Variants in KPNA4 observed in about 807,000 individuals in gnomAD.
The protein encoded by KPNA4 is importin subunit alpha-3.
A neutral mutation model predicts 71.3 loss-of-function variants in KPNA4; 13 were observed. The ratio of observed to expected loss-of-function variants is 0.18; its 90% CI spans 0.12 to 0.29. KPNA4 has a LOEUF of 0.29. Among genes scored for constraint, KPNA4 ranks in the 10% least tolerant of loss-of-function variants. The probability of loss-of-function intolerance (pLI) is 1.00; values close to 1 mark genes in which losing one functional copy is unlikely to be tolerated. For missense variants in KPNA4, 334 were observed against 603.2 expected, an observed-to-expected ratio of 0.55 and a Z score of 4.67; for synonymous variants, 189 against 195.2, an observed-to-expected ratio of 0.97 and a Z score of 0.26.
intron 1 of KPNA4, among the ~76,000 whole-genome samples, chr3:160,558,673 C>T (rs1437180011): frequency 2.0e-5 from 3 of 152,108 alleles, no homozygotes; most frequent in Non-Finnish European, 2.9e-5. Flanking sequence ...GCATGGTCCA[C>T]GGGCCCCTAT....
intron 1 of KPNA4, among the ~76,000 whole-genome samples, chr3:160,560,114 A>C (rs1247246884): frequency 1.3e-5 from 2 of 152,166 alleles, no homozygotes; most frequent in African/African-American, 4.8e-5. Flanking sequence ...GACTATGCTC[A>C]GTGCTTTCAC....
intron 1 of KPNA4, among the ~76,000 whole-genome samples, chr3:160,549,128 G>T (rs1721988095): frequency 1.3e-5 from 2 of 152,132 alleles, no homozygotes; most frequent in South Asian, 4.2e-4. Context: ...TTTTAAAATA[G>T]GGTTGTTGGT....
In KPNA4 at chr3:160,565,507, G is replaced by A. The variant is rs182504891; in HGVS notation, c.-225C>T. Reference sequence around the variant, plus strand: ...CTGCAGCTCCGGCAAAGACAACTGTGGGGCCGGGCGGCGGCAAGGCGACGG... The same window carrying A: ...CTGCAGCTCCGGCAAAGACAACTGTAGGGCCGGGCGGCGGCAAGGCGACGG... On this transcript the variant is annotated 5_prime_UTR_variant, in exon 1 of 17. Transcript: ENST00000334256. The A allele has an allele frequency of 1.6e-3, 850 of 545,442 alleles. 10 individuals are homozygous for A. In the African/African-American group the frequency reaches 0.016, roughly 10 times the overall value. The allele number at this position is 545,442 out of a possible 1,614,324, so 33.8% of individuals were successfully genotyped here.
At chr3:160,562,314 G>T (rs1366297044) in intron 1 of KPNA4, among the ~76,000 whole-genome samples, 1 of 152,122 alleles carries the variant, frequency 6.6e-6, no homozygotes, top group Non-Finnish European at 1.5e-5. Flanking sequence ...TGGTATTTTG[G>T]ATATACTGGA....
intron 10 of KPNA4, among the ~76,000 whole-genome samples, chr3:160,522,955 T>C (rs1477582046): frequency 1.3e-5 from 2 of 152,188 alleles, no homozygotes; most frequent in African/African-American, 4.8e-5. Flanking sequence ...ATTACATCTT[T>C]AAGTACAACA....
At chr3:160,529,203 G>C (rs556311877) in intron 7 of KPNA4, among the ~76,000 whole-genome samples, 27 of 152,246 alleles carry the variant, frequency 1.8e-4, no homozygotes, top group African/African-American at 6.3e-4. Flanking sequence ...CTAAGTGCTA[G>C]AATTACTGGC....
intron 5 of KPNA4, among the ~76,000 whole-genome samples, chr3:160,533,033 A>AT (rs1381306451): frequency 3.3e-5 from 5 of 151,746 alleles, no homozygotes; most frequent in Non-Finnish European, 5.9e-5. Context: ...ATCACTACTT[A>AT]TTTTTTTTGA....
chr3:160,534,718 G>GGAAAAAAAAAA (rs1553786925), intron 5 of KPNA4, among the ~76,000 whole-genome samples: 58 of 73,100 alleles, frequency 7.9e-4, no homozygotes, highest in African/African-American at 3.0e-3. Flanking sequence ...CTCCATCTCA[G>GGAAAAAAAAAA]AAAAAAAAAA....
intron 1 of KPNA4, among the ~76,000 whole-genome samples, chr3:160,565,000 C>G (rs1228604559): frequency 1.5e-4 from 22 of 149,768 alleles, no homozygotes; most frequent in Admixed American, 1.5e-3. Flanking sequence ...CCGCGCCGGC[C>G]GTACCCGGGC....
chr3:160,565,390 C>T lies in KPNA4; in HGVS notation c.-108G>A. On this transcript the variant is annotated 5_prime_UTR_variant, in exon 1 of 17. Transcript: ENST00000334256. Reference sequence around the variant, plus strand: ...CGGGCCGCCGCCTGAGCTGCTGTGCCCGCCGCGCCGCCGCTTCCTTCCTCC... The same window carrying T: ...CGGGCCGCCGCCTGAGCTGCTGTGCTCGCCGCGCCGCCGCTTCCTTCCTCC... The T allele has an allele frequency of 1.2e-6, 1 of 826,800 alleles. No homozygotes were observed. Among genetic ancestry groups the T allele is most frequent in the Non-Finnish European group, 1.9e-6 (1 of 519,988 alleles). 51.2% of individuals were successfully genotyped at this position (826,800 alleles called of 1,614,324 possible). A position where few individuals can be genotyped will look rare whatever the true frequency, so the allele number is the denominator to read the frequency against.
At chr3:160,508,363 G>T (rs1721027561) in intron 14 of KPNA4, 94 bp from the exon 15 acceptor site, 4 of 889,398 alleles carry the variant, frequency 4.5e-6, no homozygotes, top group Admixed American at 3.2e-5. Flanking sequence ...GAAATTTCGA[G>T]TATAGAAATA....
intron 7 of KPNA4, among the ~76,000 whole-genome samples, chr3:160,529,756 G>T (rs1456266088): frequency 6.6e-6 from 1 of 151,576 alleles, no homozygotes; most frequent in African/African-American, 2.4e-5. Flanking sequence ...ACAAAAAAAA[G>T]CAATCCTATT....
intron 5 of KPNA4, among the ~76,000 whole-genome samples, chr3:160,535,000 G>A (rs1721657573): frequency 6.6e-6 from 1 of 151,886 alleles, no homozygotes; most frequent in African/African-American, 2.4e-5. Flanking sequence ...GGGATTACAG[G>A]TGTGAGCCAC....
At chr3:160,527,284 T>A (rs1247892743) in intron 8 of KPNA4, among the ~76,000 whole-genome samples, 1 of 152,160 alleles carries the variant, frequency 6.6e-6, no homozygotes, top group East Asian at 1.9e-4. Context: ...AATTTTTGAG[T>A]TTAGGCTCTA....
chr3:160,531,357 T>C lies in KPNA4; in HGVS notation c.383+105A>G, dbSNP rs987038293. 2.1e-5 allele frequency: 12 copies of C among 566,086 alleles called. No individual in the cohort carries two copies. In the Admixed American group the frequency reaches 2.9e-4, roughly 14 times the overall value. The allele number at this position is 566,086 out of a possible 1,614,324, so 35.1% of individuals were successfully genotyped here. A position where few individuals can be genotyped will look rare whatever the true frequency, so the allele number is the denominator to read the frequency against. ...ACTTTGACTTTTCAACTCCATCCCA[T>C]AGCCCTTTTCTTCTTTCTTTAAAGA... On this transcript the variant is annotated intron_variant, in intron 6 of 16. Transcript: ENST00000334256.
chr3:160,514,288 G>A, intron 12 of KPNA4, 107 bp from the exon 13 acceptor site: 1 of 681,688 alleles, frequency 1.5e-6, no homozygotes, highest in Non-Finnish European at 2.3e-6. Context: ...ACTACGAAAT[G>A]AGCTCCATAA....
chr3:160,533,378 A>G (rs1177216822), intron 5 of KPNA4, among the ~76,000 whole-genome samples: 1 of 152,030 alleles, frequency 6.6e-6, no homozygotes, highest in Non-Finnish European at 1.5e-5. Flanking sequence ...TAAAGTTCTT[A>G]AAGAGAAAGA....
intron 1 of KPNA4, among the ~76,000 whole-genome samples, chr3:160,548,966 T>G (rs1000220915): frequency 1.3e-5 from 2 of 152,240 alleles, no homozygotes; most frequent in Non-Finnish European, 2.9e-5. Flanking sequence ...TTTTTGTTGT[T>G]TTGATAGTAG....
chr3:160,522,715 C>CA (rs1261817091), intron 10 of KPNA4, among the ~76,000 whole-genome samples: 1 of 152,208 alleles, frequency 6.6e-6, no homozygotes, highest in Non-Finnish European at 1.5e-5. Context: ...GCCTCGGCCT[C>CA]CCAAAGTGCT....
Sources: gnomAD v4.1 joint callset for allele counts (sites outside exome capture counted in the v4.1 genomes callset) on GRCh38, gnomAD v4.1.1 for gene constraint, MANE v1.5 for transcripts, NCBI Gene and HGNC (gene_info 2026-07-23, HGNC 2026-07-21) for gene names.